ARHGEF3: variants seen among roughly 807,000 people sequenced by gnomAD.
ARHGEF3 encodes 59.8 kDA protein.
A neutral mutation model predicts 63.2 loss-of-function variants in ARHGEF3; 28 were observed. That is an observed-to-expected ratio of 0.44 (90% CI 0.33 to 0.61). The LOEUF (loss-of-function observed/expected upper bound fraction) is 0.61. ARHGEF3 is among the 20% of genes least tolerant of loss of function. The pLI, the probability that ARHGEF3 is intolerant of heterozygous loss-of-function variation, is 0.03. For synonymous variants in ARHGEF3, 266 were observed against 254.2 expected, an observed-to-expected ratio of 1.05 and a Z score of -0.44; for missense variants, 533 against 659.3, an observed-to-expected ratio of 0.81 and a Z score of 2.10.
At chr3:56,750,372 T>C (rs1468176193) in intron 6 of ARHGEF3, among the ~76,000 whole-genome samples, 1 of 152,158 alleles carries the variant, frequency 6.6e-6, no homozygotes, top group Non-Finnish European at 1.5e-5. Context: ...AATTTATGAC[T>C]CCTAATCTAA....
At chr3:56,839,676 A>G (rs1035491343) in intron 4 of ARHGEF3, among the ~76,000 whole-genome samples, 10 of 152,094 alleles carry the variant, frequency 6.6e-5, no homozygotes, top group African/African-American at 2.2e-4. Flanking sequence ...AATTGTCTAC[A>G]CTCTGCGCCC....
At chr3:56,976,552 T>C (rs981850345) in intron 2 of ARHGEF3, among the ~76,000 whole-genome samples, 8 of 152,146 alleles carry the variant, frequency 5.3e-5, no homozygotes, top group Admixed American at 5.2e-4. Flanking sequence ...AAAATGAACA[T>C]TGCAATCTTA....
At chr3:56,818,694 T>A (rs1402897473) in intron 4 of ARHGEF3, among the ~76,000 whole-genome samples, 1 of 152,200 alleles carries the variant, frequency 6.6e-6, no homozygotes, top group Non-Finnish European at 1.5e-5. Flanking sequence ...TTCAGCAGGA[T>A]AACCACAGGT....
intron 3 of ARHGEF3, among the ~76,000 whole-genome samples, chr3:56,913,474 A>G (rs2041907338): frequency 6.6e-6 from 1 of 152,218 alleles, no homozygotes; most frequent in Admixed American, 6.5e-5. Flanking sequence ...CACACCTATT[A>G]GAATGGCTAC....
Position 56,795,832 on chromosome 3 carries a change from G to A in ARHGEF3, c.96+5871C>T, listed in dbSNP as rs990197174. On this transcript the variant is annotated intron_variant, in intron 1 of 9. Transcript: ENST00000296315. ...AATTTTTGAATTTTTAGTAGAGATG[G>A]GGTTTCACCGTTGGTCAGGCTGGTC... is the stretch of plus-strand genomic sequence containing the variant. Among the ~76,000 whole-genome samples the A allele has an allele frequency of 9.9e-5, 15 of 151,864 alleles. 1 individual carries two copies. The highest frequency in any genetic ancestry group is 9.8e-4 in the Admixed American group (15 of 15,244).
At chr3:56,980,426 G>C (rs1299271020) in intron 2 of ARHGEF3, among the ~76,000 whole-genome samples, 1 of 152,186 alleles carries the variant, frequency 6.6e-6, no homozygotes, top group Non-Finnish European at 1.5e-5. Flanking sequence ...TCAAAGTACA[G>C]TTTCTCCTGG....
chr3:56,752,906 G>A (rs1015520375), intron 4 of ARHGEF3, among the ~76,000 whole-genome samples: 4 of 152,174 alleles, frequency 2.6e-5, no homozygotes, highest in African/African-American at 4.8e-5. Context: ...GTGATTCTTC[G>A]AGGAGGCTGT....
chr3:57,024,207 C>A (rs1703376963), intron 2 of ARHGEF3, among the ~76,000 whole-genome samples: 1 of 151,660 alleles, frequency 6.6e-6, no homozygotes, highest in South Asian at 2.1e-4. Context: ...TTCTTTCCTG[C>A]CTAATGTTAT....
intron 3 of ARHGEF3, chr3:56,882,422 A>C: frequency 1.5e-6 from 2 of 1,363,350 alleles, no homozygotes; most frequent in South Asian, 2.5e-5. Context: ...AAGGCAAGAA[A>C]AAAAGCAATC....
chr3:56,836,113 T>G (rs1212965569), intron 4 of ARHGEF3, among the ~76,000 whole-genome samples: 1 of 152,226 alleles, frequency 6.6e-6, no homozygotes, highest in Non-Finnish European at 1.5e-5. Flanking sequence ...TCCTGGTCTT[T>G]CCTTATCCTT....
chr3:56,871,618 TACTAAC>T (rs1251558957), intron 4 of ARHGEF3, among the ~76,000 whole-genome samples: 2 of 152,202 alleles, frequency 1.3e-5, no homozygotes, highest in African/African-American at 2.4e-5. Flanking sequence ...TTCTTACCTT[TACTAAC>T]ACTAATAATC....
At chr3:56,789,894 C>T (rs1274875984) in intron 1 of ARHGEF3, among the ~76,000 whole-genome samples, 1 of 152,156 alleles carries the variant, frequency 6.6e-6, no homozygotes, top group Non-Finnish European at 1.5e-5. Flanking sequence ...GTGTTAAAGA[C>T]ACACTAATTC....
intron 4 of ARHGEF3, among the ~76,000 whole-genome samples, chr3:56,869,183 C>A (rs1033028575): frequency 1.3e-5 from 2 of 151,630 alleles, no homozygotes; most frequent in African/African-American, 4.8e-5. Context: ...GTTCCATTTA[C>A]AGTATTATAA....
chr3:56,743,785 C>T lies in ARHGEF3; in HGVS notation c.870+1420G>A, dbSNP rs139191325. Reference sequence around the variant, plus strand: ...TCCCAGATTAAATCAGAAAATGAGCCCTTTGAATGGTCTGCTAGCCTCTAT... The same window carrying T: ...TCCCAGATTAAATCAGAAAATGAGCTCTTTGAATGGTCTGCTAGCCTCTAT... On this transcript the variant is annotated intron_variant, in intron 7 of 9. Transcript: ENST00000296315. Among the ~76,000 whole-genome samples the T allele has an allele frequency of 2.6e-4, 40 of 152,158 alleles. No individual in the cohort carries two copies. The East Asian group carries it at 5.4e-3, about 21-fold the overall frequency.
At chr3:57,037,330 C>A (rs1424123065) in intron 1 of ARHGEF3, among the ~76,000 whole-genome samples, 1 of 152,170 alleles carries the variant, frequency 6.6e-6, no homozygotes, top group Non-Finnish European at 1.5e-5. Flanking sequence ...CAACCTACCT[C>A]ATTTCGGCCT....
chr3:56,773,744 C>A lies in ARHGEF3; in HGVS notation c.169G>T (p.Ala57Ser). 6.3e-7 allele frequency: 1 copy of A among 1,597,290 alleles called. No individual in the cohort carries two copies. Among genetic ancestry groups the A allele is most frequent in the Non-Finnish European group, 8.5e-7 (1 of 1,174,170 alleles). Residue 57 changes from alanine to serine, a missense_variant, in exon 2 of 10, where the codon GCC (alanine) becomes TCC (serine). This residue lies in a region of ARHGEF3 where 160 missense variants were observed against 157.3 expected (regional missense o/e 1.02). Coordinates refer to ENST00000296315, the MANE Select transcript of ARHGEF3 (RefSeq NM_019555.3). ...SLANLIPPVK[A>S]TPLKRFSQTL... ...TGACTGAAGCGCTTTAATGGCGTGG[C>A]CTTCACGGGCGGGATGAGGTTTGCT...
intron 8 of ARHGEF3, among the ~76,000 whole-genome samples, chr3:56,736,938 T>C (rs1381854221): frequency 1.3e-5 from 2 of 151,868 alleles, no homozygotes; most frequent in African/African-American, 2.4e-5. Context: ...ACTAAAAAAA[T>C]ACAAAAATTA....
chr3:56,849,792 G>T (rs1465479881), intron 4 of ARHGEF3, among the ~76,000 whole-genome samples: 1 of 152,108 alleles, frequency 6.6e-6, no homozygotes, highest in Non-Finnish European at 1.5e-5. Context: ...ATCTAGGTTG[G>T]CTGTTTCTAG....
At chr3:57,002,500 A>ATATATATATATATTT (rs1702276506) in intron 2 of ARHGEF3, among the ~76,000 whole-genome samples, 9 of 60,116 alleles carry the variant, frequency 1.5e-4, no homozygotes, top group Non-Finnish European at 2.7e-4. Context: ...TATATATGTT[A>ATATATATATATATTT]TATATATATA....
Sources: gnomAD v4.1 joint callset for allele counts (sites outside exome capture counted in the v4.1 genomes callset) on GRCh38, gnomAD v4.1.1 for gene constraint, gnomAD v4.1.1 regional missense constraint, MANE v1.5 for transcripts, NCBI Gene and HGNC (gene_info 2026-07-23, HGNC 2026-07-21) for gene names.